The following CDHR3 variants were observed in gnomAD, a reference collection of about 807,000 sequenced individuals.
CDHR3 encodes cadherin-related family member 3.
Under a neutral mutation model 86.6 loss-of-function variants are expected in CDHR3, and 79 were observed. The ratio of observed to expected loss-of-function variants is 0.91; its 90% CI spans 0.76 to 1.10. CDHR3 has a LOEUF of 1.10. CDHR3 is among the 50% of genes least tolerant of loss of function. CDHR3 has a pLI of 0.00. For missense variants in CDHR3, 1,081 were observed against 1,077.6 expected, an observed-to-expected ratio of 1.00 and a Z score of -0.04; for synonymous variants, 421 against 402.4, an observed-to-expected ratio of 1.05 and a Z score of -0.55.
chr7:105,976,816 T>A (rs867019007), intron 2 of CDHR3, among the ~76,000 whole-genome samples: 1 of 152,208 alleles, frequency 6.6e-6, no homozygotes, highest in South Asian at 2.1e-4. Flanking sequence ...AATTATATTA[T>A]GTTCCATATT....
At chr7:105,997,608 A>G (rs537261873) in intron 6 of CDHR3, among the ~76,000 whole-genome samples, 8 of 151,464 alleles carry the variant, frequency 5.3e-5, no homozygotes, top group Admixed American at 5.3e-4. Flanking sequence ...AAGAACCCCC[A>G]GAGGAAGGTG....
intron 1 of CDHR3, among the ~76,000 whole-genome samples, chr7:105,971,337 A>G (rs1327517394): frequency 6.6e-6 from 1 of 152,160 alleles, no homozygotes; most frequent in African/African-American, 2.4e-5. Context: ...ATATCGGCAG[A>G]AAGGGCATAT....
intron 6 of CDHR3, among the ~76,000 whole-genome samples, chr7:106,000,831 G>A (rs1453149527): frequency 2.0e-5 from 3 of 148,896 alleles, no homozygotes; most frequent in Non-Finnish European, 3.0e-5. Flanking sequence ...AGTTCAGAGA[G>A]CTGACCTCAT....
rs756326826 is a variant in CDHR3 at position 106,004,614 on chromosome 7, A to G, written c.979A>G (p.Asn327Asp). 3 of 1,613,928 alleles carry G rather than the reference A, an allele frequency of 1.9e-6. No homozygotes were observed. The Admixed American group carries it at 5.0e-5, about 27-fold the overall frequency. Residue 327 changes from asparagine (N) to aspartate (D), a missense_variant, in exon 8 of 19, where the codon AAT (asparagine) becomes GAT (aspartate). By Grantham distance (23) the Asn-to-Asp change is conservative. Transcript: ENST00000317716. ...GGACAGACCATATGGGGGTCAGGAG[A>G]ATCGCATCCAGATAACCTTCATTGT... ...VKDRPYGGQE[N>D]RIQITFIVED...
At chr7:106,017,735 A>C (rs1835879685) in intron 11 of CDHR3, 111 bp from the exon 12 acceptor site, 3 of 791,332 alleles carry the variant, frequency 3.8e-6, no homozygotes, top group African/African-American at 3.5e-5. Context: ...TTTGGACAGC[A>C]AGGAGGCCTC....
intron 9 of CDHR3, among the ~76,000 whole-genome samples, chr7:106,013,365 G>A (rs1229401655): frequency 1.3e-5 from 2 of 152,088 alleles, no homozygotes; most frequent in Non-Finnish European, 2.9e-5. Flanking sequence ...GCTCATTCCC[G>A]GCCCATAGAG....
Position 106,028,213 on chromosome 7 carries a change from C to G in CDHR3, c.2273-338C>G, listed in dbSNP as rs568858219. On this transcript the variant is annotated intron_variant, in intron 16 of 18. Transcript: ENST00000317716. ...GGGAATTAATGCACAAAACCCACACCTTATGAACAGAGGTATCCAATCCCA... is the reference window on the plus strand; with the variant it reads ...GGGAATTAATGCACAAAACCCACACGTTATGAACAGAGGTATCCAATCCCA... Among the ~76,000 whole-genome samples the G allele has an allele frequency of 2.0e-3, 300 of 151,456 alleles. 1 individual carries two copies. The highest frequency in any genetic ancestry group is 7.0e-3 in the African/African-American group (288 of 41,334).
chr7:106,018,181 T>C (rs972086740), intron 12 of CDHR3, 109 bp downstream of exon 12: 9 of 776,388 alleles, frequency 1.2e-5, no homozygotes, highest in African/African-American at 3.5e-5. Flanking sequence ...CCAGGGTACA[T>C]CCTGCGGATG....
At chr7:105,988,371 A>G (rs1830834170) in intron 4 of CDHR3, among the ~76,000 whole-genome samples, 1 of 152,246 alleles carries the variant, frequency 6.6e-6, no homozygotes, top group Non-Finnish European at 1.5e-5. Context: ...TGAACAAACA[A>G]GGACAGAGTT....
Position 106,026,524 on chromosome 7 carries a change from T to G in CDHR3, c.2259-158T>G, listed in dbSNP as rs541703515. Among the ~76,000 whole-genome samples the G allele has an allele frequency of 2.0e-5, 3 of 152,276 alleles. No individual in the cohort carries two copies. In the East Asian group the frequency reaches 5.8e-4, roughly 29 times the overall value. ...GCTGCTTTGTTCGAAGCAGGCGTGG[T>G]GATCTAGTTTTCTTTCTGGCCCCTA... On this transcript the variant is annotated intron_variant, in intron 15 of 18. Transcript: ENST00000317716.
intron 13 of CDHR3, 149 bp downstream of exon 13, chr7:106,020,693 T>C: frequency 1.2e-6 from 1 of 833,718 alleles, no homozygotes; most frequent in East Asian, 2.7e-5. Context: ...CTTGCTATGC[T>C]GCCTAGGCTA....
intron 1 of CDHR3, among the ~76,000 whole-genome samples, chr7:105,965,567 A>ACCCCCCCCCCCCCCCCCCCCC (rs56177648): frequency 1.3e-5 from 1 of 78,194 alleles, no homozygotes. Flanking sequence ...CTCAAGCCCC[A>ACCCCCCCCCCCCCCCCCCCCC]CCCCCCCCCA....
chr7:105,968,850 A>G (rs1490053254), intron 1 of CDHR3, among the ~76,000 whole-genome samples: 1 of 152,036 alleles, frequency 6.6e-6, no homozygotes, highest in African/African-American at 2.4e-5. Context: ...GCACTTTGGG[A>G]GGCTGAGACG....
At chr7:105,983,433 A>G (rs1830064715) in intron 3 of CDHR3, among the ~76,000 whole-genome samples, 1 of 152,220 alleles carries the variant, frequency 6.6e-6, no homozygotes, top group Non-Finnish European at 1.5e-5. Flanking sequence ...AAGAATAAAT[A>G]CAATACCTGC....
intron 12 of CDHR3, among the ~76,000 whole-genome samples, chr7:106,020,048 TGGG>T (rs58623553): frequency 6.7e-6 from 1 of 148,432 alleles, no homozygotes; most frequent in Admixed American, 6.7e-5. Flanking sequence ...TGTGTGTGTG[TGGG>T]GGGGGGGCAA....
In CDHR3 at chr7:106,030,813, A is replaced by C. The variant is rs1425260586; in HGVS notation, c.2326A>C (p.Ile776Leu). Reference protein sequence around the residue: ...VVVETIQMNTIFDGEAIDPVT... With the variant: ...VVVETIQMNTLFDGEAIDPVT... ...TTAGGAAACTATCCAGATGAACACT[A>C]TCTTTGATGGAGAAGCCATAGATCC... The change falls in exon 18 of 19, where the codon ATC (isoleucine) becomes CTC (leucine). Residue 776 changes from isoleucine (I) to leucine (L), a missense_variant. Coordinates refer to ENST00000317716, the MANE Select transcript of CDHR3 (RefSeq NM_152750.5). This position sits in a 1 kb window ranked among gnomAD's most constrained non-coding sequence, Gnocchi z 4.8. The C allele has an allele frequency of 1.2e-6, 2 of 1,611,670 alleles. No homozygotes were observed. Among genetic ancestry groups the C allele is most frequent in the South Asian group, 1.1e-5 (1 of 90,230 alleles).
intron 12 of CDHR3, 89 bp downstream of exon 12, chr7:106,018,161 A>AACACTC: frequency 3.0e-6 from 3 of 984,306 alleles, no homozygotes; most frequent in Non-Finnish European, 4.6e-6. Context: ...TGTGGCAATG[A>AACACTC]GGAAACTTCC....
At chr7:106,021,456 T>G (rs1164208327) in intron 13 of CDHR3, among the ~76,000 whole-genome samples, 3 of 152,180 alleles carry the variant, frequency 2.0e-5, no homozygotes, top group African/African-American at 7.2e-5. Context: ...CATTTTGCTG[T>G]TAAGGGAGCA....
chr7:106,006,365 C>T (rs1464818550), intron 8 of CDHR3, among the ~76,000 whole-genome samples: 2 of 152,182 alleles, frequency 1.3e-5, no homozygotes, highest in Non-Finnish European at 2.9e-5. Flanking sequence ...AAAGTCTTTA[C>T]TCATTTCAGC....
Sources: gnomAD v4.1 joint callset for allele counts (sites outside exome capture counted in the v4.1 genomes callset) on GRCh38, gnomAD v4.1.1 for gene constraint, Gnocchi (gnomAD v3.1) non-coding constraint, MANE v1.5 for transcripts, NCBI Gene and HGNC (gene_info 2026-07-23, HGNC 2026-07-21) for gene names.